The following QSER1 variants were observed in gnomAD, a reference collection of about 807,000 sequenced individuals.
The protein encoded by QSER1 is glutamine and serine-rich protein 1.
QSER1 carries 49 observed loss-of-function variants against 158.5 expected under a neutral mutation model. The observed-to-expected ratio is 0.31, with a 90% CI of 0.25 to 0.39. The LOEUF (loss-of-function observed/expected upper bound fraction) is 0.39, where lower values mean the gene tolerates loss of function less well. Ranked by LOEUF, QSER1 falls within the 10% of genes least tolerant of loss-of-function variation. QSER1 has a pLI of 1.00. For missense variants in QSER1, 1,754 were observed against 2,010.3 expected, an observed-to-expected ratio of 0.87 and a Z score of 2.44; for synonymous variants, 650 against 715.5, an observed-to-expected ratio of 0.91 and a Z score of 1.46.
intron 1 of QSER1, among the ~76,000 whole-genome samples, chr11:32,909,815 G>A (rs772458346): frequency 6.6e-6 from 1 of 152,134 alleles, no homozygotes; most frequent in Non-Finnish European, 1.5e-5. Context: ...GGAGTCGTGT[G>A]TATGGGGGGG....
intron 1 of QSER1, among the ~76,000 whole-genome samples, chr11:32,906,302 A>T (rs1409981986): frequency 2.0e-5 from 3 of 152,000 alleles, no homozygotes; most frequent in Non-Finnish European, 4.4e-5. Flanking sequence ...CATGCCTGTA[A>T]TCCCAGCTAC....
intron 1 of QSER1, among the ~76,000 whole-genome samples, chr11:32,894,223 T>C (rs1411833930): frequency 1.3e-5 from 2 of 152,136 alleles, no homozygotes; most frequent in Admixed American, 1.3e-4. Context: ...AAATTTTGAC[T>C]CCTACTTGAT....
chr11:32,947,652 A>G (rs556657912), intron 4 of QSER1, among the ~76,000 whole-genome samples: 2 of 152,254 alleles, frequency 1.3e-5, no homozygotes, highest in East Asian at 1.9e-4. Context: ...CTAAAATTTT[A>G]TAATAATAAA....
At chr11:32,898,505 C>G (rs1851584639) in intron 1 of QSER1, among the ~76,000 whole-genome samples, 1 of 151,646 alleles carries the variant, frequency 6.6e-6, no homozygotes, top group Admixed American at 6.6e-5. Context: ...CACACACACA[C>G]ACACACACAC....
rs545490163 is a variant in QSER1, at chr11:32,935,211, C to T, written c.3953C>T (p.Pro1318Leu). The change falls in exon 4 of 13, where the codon CCC becomes CTC. Residue 1318 changes from proline to leucine, a missense_variant. Pro to Leu is a moderately conservative substitution (Grantham distance 98). Around this residue, in one of 2 missense-constraint regions of QSER1, gnomAD observed 1,707 missense variants for 1,919.6 expected, o/e 0.89. Transcript: ENST00000650167. Reference sequence around the variant, plus strand: ...ACCCAGATGGTTCGTACATTTTGTCCCCCACCACTTCCCAAGCCTTCATCT... The same window carrying T: ...ACCCAGATGGTTCGTACATTTTGTCTCCCACCACTTCCCAAGCCTTCATCT... ...PGTQMVRTFC[P>L]PPLPKPSSTT... The T allele has an allele frequency of 5.5e-5, 89 of 1,613,876 alleles. 1 individual carries two copies. In the East Asian group the frequency reaches 2.0e-3, roughly 36 times the overall value.
intron 8 of QSER1, among the ~76,000 whole-genome samples, chr11:32,964,507 A>C (rs1476314867): frequency 6.6e-6 from 1 of 151,972 alleles, no homozygotes; most frequent in Non-Finnish European, 1.5e-5. Context: ...ATCAGAGACC[A>C]CCAAAAGGGT....
chr11:32,955,355 A>G lies in QSER1; in HGVS notation c.4560A>G (p.Leu1520=). Residue 1520 remains leucine (L), a synonymous_variant, in exon 6 of 13, where the codon TTA becomes TTG. Coordinates refer to ENST00000650167, the MANE Select transcript of QSER1 (RefSeq NM_001076786.3). ...PAIWKVQKAL[L]QKFVPEIRDG... The stretch of plus-strand genomic sequence containing the variant: ...TTTGGAAAGTACAAAAAGCTTTATT[A>G]CAGAAATTTGTTCCTGAAATTCGAG... 6.2e-7 allele frequency: 1 copy of G among 1,602,626 alleles called. No homozygotes were observed. Among genetic ancestry groups the G allele is most frequent in the African/African-American group, 1.3e-5 (1 of 74,324 alleles).
intron 10 of QSER1, 109 bp downstream of exon 10, chr11:32,969,252 T>C: frequency 1.4e-6 from 1 of 723,326 alleles, no homozygotes; most frequent in Non-Finnish European, 2.3e-6. Flanking sequence ...TTTCACCTAA[T>C]GAAAATTTGG....
chr11:32,911,285 G>C (rs1486160726), intron 1 of QSER1, among the ~76,000 whole-genome samples: 1 of 152,126 alleles, frequency 6.6e-6, no homozygotes, highest in African/African-American at 2.4e-5. Flanking sequence ...GGGCCTCCTG[G>C]GGGTGGTGGG....
chr11:32,905,244 A>T (rs920135447), intron 1 of QSER1, among the ~76,000 whole-genome samples: 1 of 152,254 alleles, frequency 6.6e-6, no homozygotes, highest in African/African-American at 2.4e-5. Context: ...GTAACTTGAG[A>T]CCAGATTTGT....
rs572218433 is a variant in QSER1, at chr11:32,930,684, T to C, written c.485-1059T>C. 2.6e-5 allele frequency among the ~76,000 whole-genome samples: 4 copies of C among 152,312 alleles called. No homozygotes were observed. In the South Asian group the frequency reaches 8.3e-4, roughly 32 times the overall value. ...TATTATTATGGTATGCCATAATTAT[T>C]TGATTGATCCCTTGTTTATGGACTT... On this transcript the variant is annotated intron_variant, in intron 3 of 12. Coordinates refer to ENST00000650167, the MANE Select transcript of QSER1 (RefSeq NM_001076786.3).
At chr11:32,964,847 A>G (rs1019935680) in intron 8 of QSER1, among the ~76,000 whole-genome samples, 1 of 151,042 alleles carries the variant, frequency 6.6e-6, no homozygotes, top group African/African-American at 2.4e-5. Flanking sequence ...CTGCTATTTA[A>G]GGGTGTGACT....
chr11:32,952,803 CTTT>C (rs540825544), intron 4 of QSER1, among the ~76,000 whole-genome samples: 1 of 121,354 alleles, frequency 8.2e-6, no homozygotes. Flanking sequence ...CTTCCCAAGT[CTTT>C]TTTTTTTTTT....
chr11:32,924,460 T>A (rs1472702322), intron 1 of QSER1, among the ~76,000 whole-genome samples: 2 of 149,764 alleles, frequency 1.3e-5, no homozygotes, highest in African/African-American at 2.5e-5. Flanking sequence ...CTCGAGAGAC[T>A]GAGGTGAGAG....
Position 32,893,058 on chromosome 11 carries a change from C to T in QSER1, c.-68C>T, listed in dbSNP as rs1432263300. ...TTCCTCCCCCGCCCCCTCTCCCTGC[C>T]CGCCCCCGTCACACGGAGCCCTGGA... On this transcript the variant is annotated 5_prime_UTR_variant, in exon 1 of 13. Transcript: ENST00000650167. This position sits in a 1 kb window ranked among gnomAD's most constrained non-coding sequence, Gnocchi z 4.7. 1.4e-5 allele frequency: 2 copies of T among 139,824 alleles called. No homozygotes were observed. The highest frequency in any genetic ancestry group is 3.2e-5 in the Non-Finnish European group (2 of 63,414). The allele number at this position is 139,824 out of a possible 1,614,324, so 8.7% of individuals were successfully genotyped here.
Position 32,933,399 on chromosome 11 carries a change from T to C in QSER1, c.2141T>C (p.Leu714Pro). The C allele has an allele frequency of 6.2e-7, 1 of 1,613,900 alleles. No homozygotes were observed. The highest frequency in any genetic ancestry group is 8.5e-7 in the Non-Finnish European group (1 of 1,179,932). Residue 714 changes from leucine (L) to proline (P), a missense_variant, in exon 4 of 13, where the codon CTA (leucine) becomes CCA (proline). By Grantham distance (98) the Leu-to-Pro change is moderately conservative. Around this residue, in one of 2 missense-constraint regions of QSER1, gnomAD observed 1,707 missense variants for 1,919.6 expected, o/e 0.89. Coordinates refer to ENST00000650167, the MANE Select transcript of QSER1 (RefSeq NM_001076786.3). The part of the protein sequence containing the change: ...QASLESSTQR[L>P]SDGEINAQES... Reference sequence around the variant, plus strand: ...TCTCTTGAGTCATCAACCCAAAGGCTATCTGATGGAGAAATTAATGCTCAA... The same window carrying C: ...TCTCTTGAGTCATCAACCCAAAGGCCATCTGATGGAGAAATTAATGCTCAA...
chr11:32,916,770 G>A lies in QSER1; in HGVS notation c.210-10387G>A, dbSNP rs995071174. On this transcript the variant is annotated intron_variant, in intron 1 of 12. Transcript: ENST00000650167. Reference sequence around the variant, plus strand: ...CTGTTGATTGAAACATTGTTATGTTGGGCATGACTCTATTTTTTTTTTTTT... The same window carrying A: ...CTGTTGATTGAAACATTGTTATGTTAGGCATGACTCTATTTTTTTTTTTTT... Among the ~76,000 whole-genome samples the A allele has an allele frequency of 7.1e-4, 94 of 132,944 alleles. 1 individual carries two copies. The highest frequency in any genetic ancestry group is 3.1e-5 in the Non-Finnish European group (2 of 63,560). The allele number at this position is 132,944 out of a possible 152,430, so 87.2% of individuals were successfully genotyped here. A position where few individuals can be genotyped will look rare whatever the true frequency, so the allele number is the denominator to read the frequency against.
chr11:32,975,348 T>G lies in QSER1; in HGVS notation c.5454+5T>G, dbSNP rs1426283695. The G allele has an allele frequency of 6.2e-7, 1 of 1,602,074 alleles. No individual in the cohort carries two copies. ...TATCTGATATGTAAGGATGAGGTAATTTCTTCTCATTTACTTAAAAAAAAT... is the reference window on the plus strand; with the variant it reads ...TATCTGATATGTAAGGATGAGGTAAGTTCTTCTCATTTACTTAAAAAAAAT... On this transcript the variant is annotated splice_donor_5th_base_variant and intron_variant, in intron 12 of 12. Transcript: ENST00000650167.
chr11:32,973,082 G>T (rs997503997), intron 10 of QSER1, among the ~76,000 whole-genome samples: 4 of 152,350 alleles, frequency 2.6e-5, no homozygotes, highest in Admixed American at 1.3e-4. Flanking sequence ...GGTTCCCAGT[G>T]TGGTGTGCTG....
Sources: allele counts gnomAD v4.1 joint callset (sites outside exome capture counted in the v4.1 genomes callset), GRCh38; gene constraint gnomAD v4.1.1; regional missense constraint gnomAD v4.1.1; non-coding constraint Gnocchi (gnomAD v3.1); transcripts MANE v1.5; gene names NCBI Gene and HGNC (gene_info 2026-07-23, HGNC 2026-07-21).